GRM8: variants seen among roughly 807,000 people sequenced by gnomAD.
The protein encoded by GRM8 is glutamate metabotropic receptor 8, also known as metabotropic glutamate receptor 8.
GRM8 carries 47 observed loss-of-function variants against 87.2 expected under a neutral mutation model. That is an observed-to-expected ratio of 0.54 (90% confidence interval 0.43 to 0.69). The LOEUF is 0.69. Among genes scored for constraint, GRM8 ranks in the 30% least tolerant of loss-of-function variants. The pLI is 0.00. For missense variants in GRM8, 1,019 were observed against 1,139.2 expected (o/e 0.89, Z 1.52); for synonymous variants, 396 against 404.5 (o/e 0.98, Z 0.25).
chr7:127,075,919 C>T lies in GRM8; in HGVS notation c.727+30577G>A, dbSNP rs181535673. 2.3e-5 allele frequency: 7 copies of T among 305,954 alleles called. No homozygotes were observed. In the East Asian group the frequency reaches 5.8e-4, roughly 26 times the overall value. 19.0% of individuals were successfully genotyped at this position (305,954 alleles called of 1,614,324 possible). A position where few individuals can be genotyped will look rare whatever the true frequency, so the allele number is the denominator to read the frequency against. On this transcript the variant is annotated intron_variant, in intron 3 of 10. Transcript: ENST00000339582. ...GGCGAATGACTCCCTATCTTATTCA[C>T]CTTTATACCACCCAAGAGCACCCAG...
intron 2 of GRM8, among the ~76,000 whole-genome samples, chr7:127,217,530 G>A (rs1796634287): frequency 1.3e-5 from 2 of 152,184 alleles, no homozygotes; most frequent in Admixed American, 1.3e-4. Context: ...GAGATGTCCA[G>A]GTGGCCAAAT....
At chr7:126,998,793 G>A (rs1813429200) in intron 3 of GRM8, among the ~76,000 whole-genome samples, 1 of 151,734 alleles carries the variant, frequency 6.6e-6, no homozygotes, top group East Asian at 1.9e-4. Flanking sequence ...CCATGTTCAA[G>A]GATTGAAGGA....
intron 3 of GRM8, among the ~76,000 whole-genome samples, chr7:126,962,506 G>T (rs1289905557): frequency 6.6e-6 from 1 of 152,178 alleles, no homozygotes; most frequent in African/African-American, 2.4e-5. Flanking sequence ...ATTAGTTAAA[G>T]TAGCTTAAAC....
chr7:127,167,281 G>A (rs1406320321), intron 2 of GRM8, among the ~76,000 whole-genome samples: 1 of 152,120 alleles, frequency 6.6e-6, no homozygotes, highest in Non-Finnish European at 1.5e-5. Flanking sequence ...ACTAATATAA[G>A]TGATAAAATG....
intron 6 of GRM8, among the ~76,000 whole-genome samples, chr7:126,828,644 C>G (rs527236946): frequency 1.8e-3 from 274 of 151,956 alleles, no homozygotes; most frequent in Middle Eastern, 0.01. Context: ...TTTTGTTGAT[C>G]CTTTCAAAAA....
At chr7:126,900,576 C>G (rs549448225) in intron 6 of GRM8, among the ~76,000 whole-genome samples, 2 of 152,280 alleles carry the variant, frequency 1.3e-5, no homozygotes, top group South Asian at 4.1e-4. Context: ...GTGGTGCAAT[C>G]TCAGCTCACT....
At chr7:126,816,039 A>G (rs919034722) in intron 6 of GRM8, among the ~76,000 whole-genome samples, 3 of 152,114 alleles carry the variant, frequency 2.0e-5, no homozygotes, top group Non-Finnish European at 4.4e-5. Flanking sequence ...ATATGAAAAT[A>G]GCACTCTAAT....
At chr7:127,136,944 T>G (rs985565016) in intron 2 of GRM8, among the ~76,000 whole-genome samples, 4 of 152,044 alleles carry the variant, frequency 2.6e-5, no homozygotes, top group African/African-American at 7.3e-5. Context: ...TATTTACATA[T>G]ATTTCTGAAA....
chr7:127,051,444 G>C (rs1017489879), intron 3 of GRM8, among the ~76,000 whole-genome samples: 10 of 151,964 alleles, frequency 6.6e-5, no homozygotes, highest in Non-Finnish European at 1.5e-4. Context: ...AGTGGATAAG[G>C]CTGCCAGAGG....
At chr7:127,066,841 T>G (rs1461579753) in intron 3 of GRM8, among the ~76,000 whole-genome samples, 1 of 152,176 alleles carries the variant, frequency 6.6e-6, no homozygotes, top group Non-Finnish European at 1.5e-5. Context: ...ACTTTTTTCT[T>G]CGATTAGATG....
intron 10 of GRM8, 32 bp downstream of exon 10, chr7:126,446,094 C>T: frequency 3.7e-6 from 6 of 1,612,142 alleles, no homozygotes; most frequent in Non-Finnish European, 5.1e-6. Context: ...TGCTCCCGCT[C>T]TTGACCATCG....
intron 6 of GRM8, among the ~76,000 whole-genome samples, chr7:126,811,385 T>C (rs1793279782): frequency 6.6e-6 from 1 of 152,092 alleles, no homozygotes. Flanking sequence ...TTTAGGATTT[T>C]TTTTCTAATT....
chr7:127,148,776 C>A (rs1828688072), intron 2 of GRM8, among the ~76,000 whole-genome samples: 1 of 151,940 alleles, frequency 6.6e-6, no homozygotes, highest in Admixed American at 6.6e-5. Flanking sequence ...TAACTTAGGA[C>A]AAATGACAAT....
intron 6 of GRM8, among the ~76,000 whole-genome samples, chr7:126,793,529 C>T (rs1821598744): frequency 6.6e-6 from 1 of 152,172 alleles, no homozygotes; most frequent in African/African-American, 2.4e-5. Flanking sequence ...ATTGTGAAAA[C>T]TGTAAAGAGT....
At position 126,737,545 on chromosome 7, in the gene GRM8, C is replaced by T. The variant is rs139581799; in HGVS notation, c.1357+32320G>A. Among the ~76,000 whole-genome samples, 13 of 152,044 alleles carry T rather than the reference C, an allele frequency of 8.6e-5. No individual in the cohort carries two copies. In the East Asian group the frequency reaches 2.1e-3, roughly 25 times the overall value. On this transcript the variant is annotated intron_variant, in intron 7 of 10. Coordinates refer to ENST00000339582, the MANE Select transcript of GRM8 (RefSeq NM_000845.3). The stretch of plus-strand genomic sequence containing the variant: ...TCGTAATTCCCCCGTCTTGATAAAT[C>T]GGCTCTGTCTAGGCAGCGGGCAAGG...
At chr7:126,956,069 A>G (rs1441154779) in intron 3 of GRM8, among the ~76,000 whole-genome samples, 1 of 152,176 alleles carries the variant, frequency 6.6e-6, no homozygotes, top group Non-Finnish European at 1.5e-5. Flanking sequence ...TGTCCAACAG[A>G]GAGGGACCAA....
At chr7:126,629,917 T>C (rs566022918) in intron 7 of GRM8, among the ~76,000 whole-genome samples, 28 of 152,168 alleles carry the variant, frequency 1.8e-4, no homozygotes, top group Non-Finnish European at 3.8e-4. Flanking sequence ...TTTCAGAAGC[T>C]GGCCTATCAA....
intron 7 of GRM8, among the ~76,000 whole-genome samples, chr7:126,661,033 G>C (rs1421643221): frequency 6.6e-6 from 1 of 152,144 alleles, no homozygotes; most frequent in African/African-American, 2.4e-5. Context: ...ATGGAGAGGA[G>C]GTGGGGATGG....
intron 3 of GRM8, among the ~76,000 whole-genome samples, chr7:127,099,817 A>G (rs141168472): frequency 9.6e-4 from 146 of 152,282 alleles, no homozygotes; most frequent in African/African-American, 3.4e-3. Flanking sequence ...AAATACATTG[A>G]AATCCTAAAC....
Sources: gnomAD v4.1 joint callset for allele counts (sites outside exome capture counted in the v4.1 genomes callset) on GRCh38, gnomAD v4.1.1 for gene constraint, MANE v1.5 for transcripts, NCBI Gene and HGNC (gene_info 2026-07-23, HGNC 2026-07-21) for gene names.